Variants in ATM observed in about 807,000 individuals in gnomAD.
ATM encodes the protein serine-protein kinase ATM.
A neutral mutation model predicts 387.0 loss-of-function variants in ATM; 308 were observed. The observed-to-expected ratio is 0.80, with a 90% CI of 0.73 to 0.87. ATM has a LOEUF of 0.87. ATM is among the 40% of genes least tolerant of loss of function. The pLI is 0.00. For synonymous variants in ATM, 1,156 were observed against 1,187.3 expected (o/e 0.97, Z 0.54); for missense variants, 3,312 against 3,560.9 (o/e 0.93, Z 1.78).
intron 30 of ATM, among the ~76,000 whole-genome samples, chr11:108,293,071 T>C (rs1440188202): frequency 6.6e-6 from 1 of 152,238 alleles, no homozygotes; most frequent in East Asian, 1.9e-4. Context: ...TTACTACTTA[T>C]ATAAACTGTT....
intron 56 of ATM, among the ~76,000 whole-genome samples, chr11:108,341,386 A>G (rs1346319606): frequency 6.6e-6 from 1 of 152,022 alleles, no homozygotes; most frequent in Non-Finnish European, 1.5e-5. Flanking sequence ...TCTTATACTT[A>G]TTATCTAATA....
At chr11:108,314,183 A>AT in intron 40 of ATM, among the ~76,000 whole-genome samples, 1 of 152,024 alleles carries the variant, frequency 6.6e-6, no homozygotes, top group East Asian at 1.9e-4. Flanking sequence ...TGGTGCAGTC[A>AT]TAACACACTG....
chr11:108,247,268 A>T, intron 8 of ATM, 141 bp downstream of exon 8: 1 of 754,426 alleles, frequency 1.3e-6, no homozygotes, highest in South Asian at 1.7e-5. Context: ...CTTTCAAACT[A>T]TCAGAAATAT....
At chr11:108,276,125 T>C (rs1230094430) in intron 22 of ATM, among the ~76,000 whole-genome samples, 2 of 152,248 alleles carry the variant, frequency 1.3e-5, no homozygotes, top group Non-Finnish European at 2.9e-5. Flanking sequence ...CAATCTCTGA[T>C]ATCCTTTCTT....
chr11:108,359,416 G>A (rs1591350521), intron 61 of ATM, among the ~76,000 whole-genome samples: 2 of 152,102 alleles, frequency 1.3e-5, no homozygotes, highest in South Asian at 2.1e-4. Context: ...GGATACCCAG[G>A]AATTGAACTC....
At chr11:108,288,653 A>G (rs2082623291) in intron 27 of ATM, among the ~76,000 whole-genome samples, 2 of 152,126 alleles carry the variant, frequency 1.3e-5, no homozygotes. Context: ...GTACTGGCAT[A>G]GAGCTTTGAT....
chr11:108,224,115 G>A (rs1487684796), intron 1 of ATM: 2 of 152,172 alleles, frequency 1.3e-5, no homozygotes, highest in Non-Finnish European at 2.9e-5. Context: ...ATGTATATGG[G>A]TCCTTAAAGG....
chr11:108,229,141 C>T (rs2135031745), intron 3 of ATM, 37 bp from the exon 4 acceptor site: 1 of 1,584,962 alleles, frequency 6.3e-7, no homozygotes, highest in South Asian at 1.1e-5. Context: ...TTTAAGTATT[C>T]AACGAGTTTC....
chr11:108,287,672 A>G lies in ATM; in HGVS notation c.4066A>G (p.Asn1356Asp), dbSNP rs147600485. Residue 1356 changes from asparagine to aspartate, a missense_variant, in exon 27 of 63, where the codon AAT becomes GAT. This residue lies in a region of ATM where 1,791 missense variants were observed against 1,804.5 expected (regional missense o/e 0.99). Coordinates refer to ENST00000675843, the MANE Select transcript of ATM (RefSeq NM_000051.4). The stretch of plus-strand genomic sequence containing the variant: ...ATTGATGACGTTACATGAGCCAGCA[A>G]ATTCTAGTGCCAGTCAGAGCACTGA... Reference protein sequence around the residue: ...ELLMTLHEPANSSASQSTDLC... With the variant: ...ELLMTLHEPADSSASQSTDLC... The G allele has an allele frequency of 3.8e-4, 609 of 1,613,866 alleles. No homozygotes were observed. The highest frequency in any genetic ancestry group is 4.9e-4 in the Non-Finnish European group (573 of 1,179,912).
chr11:108,301,518 G>C, intron 34 of ATM, 130 bp from the exon 35 acceptor site: 2 of 1,138,614 alleles, frequency 1.8e-6, no homozygotes, highest in Non-Finnish European at 2.5e-6. Flanking sequence ...TGATATTGGA[G>C]AATTTTGTAA....
At position 108,299,864 on chromosome 11, in the gene ATM, A is replaced by C. The variant is rs183531638; in HGVS notation, c.5156A>C (p.Asn1719Thr). 1 of 1,613,838 alleles carries C rather than the reference A, an allele frequency of 6.2e-7. No homozygotes were observed. The highest frequency in any genetic ancestry group is 1.1e-5 in the South Asian group (1 of 91,078). ...QWTFIMLTYL[N>T]NTLVEDCVKV... The stretch of plus-strand genomic sequence containing the variant: ...ACCTTCATAATGCTGACCTACCTGA[A>C]TAACACACTGGTAGAAGATTGGTGA... Residue 1719 changes from asparagine (N) to threonine (T), a missense_variant, in exon 34 of 63, where the codon AAT (asparagine) becomes ACT (threonine). Asn to Thr is a moderately conservative substitution (Grantham distance 65). Coordinates refer to ENST00000675843, the MANE Select transcript of ATM (RefSeq NM_000051.4).
At chr11:108,357,424 G>A (rs998858505) in intron 61 of ATM, among the ~76,000 whole-genome samples, 6 of 152,206 alleles carry the variant, frequency 3.9e-5, no homozygotes, top group South Asian at 2.1e-4. Flanking sequence ...CGGGAAGCTC[G>A]AACTGGGTGG....
chr11:108,317,652 T>TATAC (rs1399501257), intron 43 of ATM, 131 bp downstream of exon 43: 135 of 118,294 alleles, frequency 1.1e-3, no homozygotes, highest in Middle Eastern at 3.8e-3. Flanking sequence ...TATATATATA[T>TATAC]ACACACACAC....
intron 5 of ATM, chr11:108,236,042 C>A: frequency 8.6e-6 from 5 of 584,602 alleles, no homozygotes; most frequent in South Asian, 4.0e-5. Flanking sequence ...TATCAGGTGC[C>A]TGATATCAGA....
chr11:108,331,714 C>CT (rs2086257927), intron 51 of ATM, 157 bp downstream of exon 51: 7 of 1,317,646 alleles, frequency 5.3e-6, no homozygotes, highest in Middle Eastern at 2.5e-4. Context: ...TTTTCTCTCT[C>CT]TAATTCCTCA....
At position 108,293,280 on chromosome 11, in the gene ATM, CCTT is replaced by C. The variant is rs113149503; in HGVS notation, c.4612-32_4612-30del. 95 of 1,288,690 alleles carry C rather than the reference CCTT, an allele frequency of 7.4e-5. No individual in the cohort carries two copies. In the African/African-American group the frequency reaches 9.2e-4, roughly 13 times the overall value. The allele number at this position is 1,288,690 out of a possible 1,614,324, so 79.8% of individuals were successfully genotyped here. ...TGGCTTACTTTAAAATTATTTCTCTCCTTATAATTTTTTCTTTTTAAATTATAT... is the reference window on the plus strand; with the variant it reads ...TGGCTTACTTTAAAATTATTTCTCTCATAATTTTTTCTTTTTAAATTATAT... On this transcript the variant is annotated intron_variant, in intron 30 of 62. Transcript: ENST00000675843.
intron 16 of ATM, 69 bp from the exon 17 acceptor site, chr11:108,267,102 G>C (rs2135503680): frequency 6.6e-7 from 1 of 1,511,736 alleles, no homozygotes; most frequent in Non-Finnish European, 9.1e-7. Context: ...AGCCTGATTA[G>C]GTAAATTTTG....
At chr11:108,365,240 T>A (rs764158561) in intron 62 of ATM, 22 bp downstream of exon 62, 1 of 1,614,172 alleles carries the variant, frequency 6.2e-7, no homozygotes. Context: ...TTTAAGAAGG[T>A]CCTGTTGTCA....
In ATM at chr11:108,282,962, C is replaced by G. The variant is rs188179028; in HGVS notation, c.3746+83C>G. The stretch of plus-strand genomic sequence containing the variant: ...TTAGCAAGTCCCCTCACCAGCAACA[C>G]ACATACCATACCCATACACATGTGT... On this transcript the variant is annotated intron_variant, in intron 25 of 62. Coordinates refer to ENST00000675843, the MANE Select transcript of ATM (RefSeq NM_000051.4). 1.2e-4 allele frequency: 105 copies of G among 881,950 alleles called. No individual in the cohort carries two copies. The African/African-American group carries it at 1.4e-3, about 12-fold the overall frequency. The allele number at this position is 881,950 out of a possible 1,614,324, so 54.6% of individuals were successfully genotyped here.
Sources: allele counts gnomAD v4.1 joint callset (sites outside exome capture counted in the v4.1 genomes callset), GRCh38; gene constraint gnomAD v4.1.1; regional missense constraint gnomAD v4.1.1; transcripts MANE v1.5; gene names NCBI Gene and HGNC (gene_info 2026-07-23, HGNC 2026-07-21).